The following ATXN1 variants were observed in gnomAD, a reference collection of about 807,000 sequenced individuals.
ATXN1 encodes ataxin 1.
ATXN1 carries 8 observed loss-of-function variants against 56.4 expected under a neutral mutation model. The ratio of observed to expected loss-of-function variants is 0.14; its 90% CI spans 0.08 to 0.26. The LOEUF (loss-of-function observed/expected upper bound fraction) is 0.26, where lower values mean the gene tolerates loss of function less well. ATXN1 is among the 10% of genes least tolerant of loss of function. ATXN1 has a pLI of 1.00. For synonymous variants in ATXN1, 514 were observed against 494.6 expected (o/e 1.04, Z -0.52); for missense variants, 987 against 1,106.5 (o/e 0.89, Z 1.53).
intron 5 of ATXN1, among the ~76,000 whole-genome samples, chr6:16,517,926 C>G (rs1359675962): frequency 3.9e-5 from 6 of 152,204 alleles, no homozygotes; most frequent in African/African-American, 1.4e-4. Context: ...TGAGCAGAGG[C>G]ATCAAACAAC....
intron 1 of ATXN1, among the ~76,000 whole-genome samples, chr6:16,757,684 G>A (rs1760928711): frequency 6.6e-6 from 1 of 152,106 alleles, no homozygotes; most frequent in South Asian, 2.1e-4. Context: ...TAAACTGACT[G>A]GCAGTCACAA....
chr6:16,754,602 C>T (rs1760831617), intron 1 of ATXN1: 1 of 152,146 alleles, frequency 6.6e-6, no homozygotes, highest in Non-Finnish European at 1.5e-5. Context: ...CTTTCCAGCA[C>T]TTTTCAAAGT....
intron 7 of ATXN1, among the ~76,000 whole-genome samples, chr6:16,320,434 A>AAC (rs3842614): frequency 0.21 from 32,261 of 151,986 alleles, 4,083 homozygotes; most frequent in African/African-American, 0.36. Context: ...CGGCCCTAAT[A>AAC]ACACAGAGCC....
chr6:16,587,861 GCAGAGGTT>G (rs1425791456), intron 3 of ATXN1, among the ~76,000 whole-genome samples: 1 of 151,734 alleles, frequency 6.6e-6, no homozygotes, highest in Non-Finnish European at 1.5e-5. Context: ...AACCTGGGAG[GCAGAGGTT>G]GCAGTAAGCT....
At chr6:16,519,919 C>T (rs1387045869) in intron 5 of ATXN1, among the ~76,000 whole-genome samples, 1 of 152,062 alleles carries the variant, frequency 6.6e-6, no homozygotes, top group East Asian at 1.9e-4. Context: ...TATCACAGGC[C>T]CCAGGAGGGG....
intron 6 of ATXN1, among the ~76,000 whole-genome samples, chr6:16,460,084 T>A (rs1165818473): frequency 6.6e-6 from 1 of 151,886 alleles, no homozygotes; most frequent in Non-Finnish European, 1.5e-5. Flanking sequence ...CGACTATGGA[T>A]CCCCGGATAC....
chr6:16,562,622 T>C (rs1762145199), intron 4 of ATXN1, among the ~76,000 whole-genome samples: 1 of 152,106 alleles, frequency 6.6e-6, no homozygotes, highest in Non-Finnish European at 1.5e-5. Context: ...AATAAAAGCT[T>C]ACTAGTTTGA....
chr6:16,710,825 C>T (rs557182088), intron 2 of ATXN1, among the ~76,000 whole-genome samples: 1 of 152,178 alleles, frequency 6.6e-6, no homozygotes, highest in Non-Finnish European at 1.5e-5. Flanking sequence ...TGAGCTCAAG[C>T]AATCTTTCTG....
At chr6:16,697,302 A>G (rs1759185074) in intron 2 of ATXN1, among the ~76,000 whole-genome samples, 2 of 152,150 alleles carry the variant, frequency 1.3e-5, no homozygotes, top group African/African-American at 4.8e-5. Context: ...CCAAACTTAT[A>G]ATTTCCACTT....
At chr6:16,378,303 C>T (rs941152047) in intron 6 of ATXN1, among the ~76,000 whole-genome samples, 4 of 152,232 alleles carry the variant, frequency 2.6e-5, no homozygotes, top group Non-Finnish European at 5.9e-5. Context: ...GATTTAGATA[C>T]CATGCTATGA....
intron 3 of ATXN1, among the ~76,000 whole-genome samples, chr6:16,599,308 T>C (rs999123378): frequency 2.0e-5 from 3 of 152,100 alleles, no homozygotes; most frequent in African/African-American, 7.2e-5. Context: ...TATAGCAGCC[T>C]CATGCAAAAA....
At chr6:16,352,014 G>C (rs534073321) in intron 6 of ATXN1, among the ~76,000 whole-genome samples, 1 of 152,294 alleles carries the variant, frequency 6.6e-6, no homozygotes, top group African/African-American at 2.4e-5. Context: ...TGAGTGTTAA[G>C]TAGATAAATG....
chr6:16,548,992 T>A (rs1761866573), intron 4 of ATXN1, among the ~76,000 whole-genome samples: 2 of 152,158 alleles, frequency 1.3e-5, no homozygotes, highest in Admixed American at 1.3e-4. Context: ...AGTCTAGGCC[T>A]ATACAGGGTC....
At chr6:16,717,819 C>A (rs532522148) in intron 2 of ATXN1, among the ~76,000 whole-genome samples, 1 of 152,186 alleles carries the variant, frequency 6.6e-6, no homozygotes, top group Non-Finnish European at 1.5e-5. Flanking sequence ...AGGCGGCGAT[C>A]GTATGCAGAT....
chr6:16,463,318 A>G (rs1396403528), intron 6 of ATXN1, among the ~76,000 whole-genome samples: 1 of 152,206 alleles, frequency 6.6e-6, no homozygotes, highest in Non-Finnish European at 1.5e-5. Context: ...CCTAAGTCCC[A>G]ACATTAACAT....
chr6:16,676,223 T>C (rs1244411917), intron 2 of ATXN1, among the ~76,000 whole-genome samples: 1 of 152,238 alleles, frequency 6.6e-6, no homozygotes, highest in Non-Finnish European at 1.5e-5. Flanking sequence ...TAACTTACAT[T>C]CACCCTTTTA....
At chr6:16,654,137 T>G (rs1758137249) in intron 3 of ATXN1, among the ~76,000 whole-genome samples, 1 of 152,216 alleles carries the variant, frequency 6.6e-6, no homozygotes, top group Admixed American at 6.5e-5. Flanking sequence ...GATTCCTGCC[T>G]TGAAGCCATG....
rs1761045447 is a variant in ATXN1 at position 16,760,345 on chromosome 6, T to C, written c.-730+953A>G. On this transcript the variant is annotated intron_variant, in intron 1 of 7. Coordinates refer to ENST00000436367, the MANE Select transcript of ATXN1 (RefSeq NM_001128164.2). This position sits in a 1 kb window ranked among gnomAD's most constrained non-coding sequence, Gnocchi z 5.3. ...TCAGGGCAGCGCCTGCCGCGGCTCC[T>C]CGTCTCCTGCCGCGGGTGCTGGCGG... is the stretch of plus-strand genomic sequence containing the variant. Among the ~76,000 whole-genome samples, 1 of 151,736 alleles carries C rather than the reference T, an allele frequency of 6.6e-6. No homozygotes were observed. Among genetic ancestry groups the C allele is most frequent in the Non-Finnish European group, 1.5e-5 (1 of 67,878 alleles).
chr6:16,337,086 G>A (rs1761139868), intron 6 of ATXN1, among the ~76,000 whole-genome samples: 1 of 152,204 alleles, frequency 6.6e-6, no homozygotes, highest in Non-Finnish European at 1.5e-5. Context: ...TGCACTGGCT[G>A]CCATTCTGCT....
Sources: allele counts gnomAD v4.1 joint callset (sites outside exome capture counted in the v4.1 genomes callset), GRCh38; gene constraint gnomAD v4.1.1; non-coding constraint Gnocchi (gnomAD v3.1); transcripts MANE v1.5; gene names NCBI Gene and HGNC (gene_info 2026-07-23, HGNC 2026-07-21).